Variants in ADRA1B observed in about 807,000 individuals in gnomAD.
The protein encoded by ADRA1B is adrenoceptor alpha 1B, also known as alpha-1B adrenergic receptor.
ADRA1B carries 17 observed loss-of-function variants against 17.9 expected under a neutral mutation model. The observed-to-expected ratio is 0.95, with a 90% confidence interval of 0.65 to 1.42. ADRA1B has a LOEUF of 1.42. Among genes scored for constraint, ADRA1B ranks in the 40% most tolerant of loss-of-function variants. The probability of loss-of-function intolerance (pLI) is 0.00; values close to 1 mark genes in which losing one functional copy is unlikely to be tolerated. For synonymous variants in ADRA1B, 366 were observed against 327.6 expected (o/e 1.12, Z -1.27); for missense variants, 681 against 722.1 (o/e 0.94, Z 0.65).
chr5:159,950,271 T>G (rs1755396297), intron 1 of ADRA1B, among the ~76,000 whole-genome samples: 1 of 149,682 alleles, frequency 6.7e-6, no homozygotes, highest in African/African-American at 2.4e-5. Context: ...GTGACCCTAG[T>G]GGAGAATTTT....
intron 1 of ADRA1B, among the ~76,000 whole-genome samples, chr5:159,899,179 A>AAAAAG (rs200946727): frequency 3.4e-4 from 51 of 150,336 alleles, no homozygotes; most frequent in African/African-American, 1.2e-3. Context: ...AAGAAAAGAA[A>AAAAAG]AAAAGAAAAG....
At chr5:159,981,383 A>G in the ADRA1B span, among the ~76,000 whole-genome samples, 25 of 152,180 alleles carry the variant, frequency 1.6e-4, no homozygotes, top group Non-Finnish European at 2.8e-4. Context: ...ATAGCCCCCA[A>G]TTGAAAACCT....
At chr5:159,949,127 T>A (rs972401876) in intron 1 of ADRA1B, among the ~76,000 whole-genome samples, 2 of 152,196 alleles carry the variant, frequency 1.3e-5, no homozygotes, top group African/African-American at 4.8e-5. Flanking sequence ...CATAAAACTG[T>A]AAGGCTTTTG....
At chr5:159,906,252 A>G (rs1437644222) in intron 1 of ADRA1B, among the ~76,000 whole-genome samples, 4 of 152,236 alleles carry the variant, frequency 2.6e-5, no homozygotes, top group Admixed American at 6.5e-5. Context: ...AATCCTCTCT[A>G]TGAGACATTC....
intron 1 of ADRA1B, among the ~76,000 whole-genome samples, chr5:159,967,095 G>C (rs1302529449): frequency 6.6e-6 from 1 of 152,160 alleles, no homozygotes; most frequent in Non-Finnish European, 1.5e-5. Context: ...GATCCCTTCT[G>C]CTTAAGTGGA....
chr5:159,895,967 ATTCACCTGTGTCCCC>A (rs1235385578), intron 1 of ADRA1B, among the ~76,000 whole-genome samples: 2 of 152,194 alleles, frequency 1.3e-5, no homozygotes, highest in Non-Finnish European at 2.9e-5. Context: ...CTTCTGTCTC[ATTCACCTGTGTCCCC>A]TTCACATAGT....
chr5:159,967,940 C>CA (rs71579109), intron 1 of ADRA1B, among the ~76,000 whole-genome samples: 4,886 of 152,192 alleles, frequency 0.032, 174 homozygotes, highest in East Asian at 0.15. Flanking sequence ...GAAGAACAAC[C>CA]AAAAAACGTA....
At chr5:159,926,748 G>A (rs1273647814) in intron 1 of ADRA1B, among the ~76,000 whole-genome samples, 2 of 152,128 alleles carry the variant, frequency 1.3e-5, no homozygotes, top group East Asian at 1.9e-4. Flanking sequence ...TTAGCCGGGC[G>A]TGGTAGCGGG....
At chr5:159,930,887 G>C (rs1754784753) in intron 1 of ADRA1B, among the ~76,000 whole-genome samples, 1 of 150,414 alleles carries the variant, frequency 6.6e-6, no homozygotes, top group African/African-American at 2.4e-5. Context: ...ATTATGGTGG[G>C]GACTATTAAA....
chr5:159,909,973 C>A (rs746538132), intron 1 of ADRA1B, among the ~76,000 whole-genome samples: 5 of 152,048 alleles, frequency 3.3e-5, no homozygotes, highest in South Asian at 2.1e-4. Flanking sequence ...GGTCTAGAAC[C>A]CAAAAAGTTT....
chr5:159,983,626 G>A, the ADRA1B span, among the ~76,000 whole-genome samples: 1 of 152,180 alleles, frequency 6.6e-6, no homozygotes, highest in Non-Finnish European at 1.5e-5. Flanking sequence ...AGGATTTGAA[G>A]TTTGATTGTG....
chr5:159,944,357 A>G (rs1453950533), intron 1 of ADRA1B, among the ~76,000 whole-genome samples: 1 of 152,174 alleles, frequency 6.6e-6, no homozygotes, highest in Non-Finnish European at 1.5e-5. Flanking sequence ...GCTACTCATT[A>G]TTCTAGATAC....
intron 1 of ADRA1B, among the ~76,000 whole-genome samples, chr5:159,905,681 C>A (rs1281648683): frequency 6.6e-6 from 1 of 152,072 alleles, no homozygotes; most frequent in East Asian, 1.9e-4. Flanking sequence ...TAACCACAAA[C>A]CATAGCAAAT....
At chr5:159,987,260 C>G in the ADRA1B span, among the ~76,000 whole-genome samples, 6 of 152,220 alleles carry the variant, frequency 3.9e-5, no homozygotes, top group African/African-American at 1.4e-4. Context: ...TGTTTTCTGC[C>G]GTTGCCAGGA....
chr5:159,873,361 C>A (rs1386168055), intron 1 of ADRA1B, among the ~76,000 whole-genome samples: 5 of 152,220 alleles, frequency 3.3e-5, no homozygotes, highest in Non-Finnish European at 7.3e-5. Context: ...CCCACTGAGT[C>A]CGCTGCTGCA....
intron 1 of ADRA1B, among the ~76,000 whole-genome samples, chr5:159,962,837 A>ATT (rs756263225): frequency 0.11 from 4,734 of 42,884 alleles, 427 homozygotes; most frequent in African/African-American, 0.22. Context: ...ACACCTGGCT[A>ATT]TTTTTTTTTT....
chr5:159,918,258 G>A (rs1280540180), intron 1 of ADRA1B, among the ~76,000 whole-genome samples: 2 of 152,212 alleles, frequency 1.3e-5, no homozygotes, highest in East Asian at 1.9e-4. Flanking sequence ...TACTGCAGAC[G>A]CGGCATTTGG....
intron 1 of ADRA1B, among the ~76,000 whole-genome samples, chr5:159,876,998 G>C (rs1464592517): frequency 1.3e-5 from 2 of 152,074 alleles, no homozygotes; most frequent in Non-Finnish European, 2.9e-5. Flanking sequence ...TTCCCCTAAG[G>C]GGTGCACAAA....
At chr5:159,879,509 C>G (rs114439299) in intron 1 of ADRA1B, among the ~76,000 whole-genome samples, 1,825 of 152,334 alleles carry the variant, frequency 0.012, 40 homozygotes, top group African/African-American at 0.042. Flanking sequence ...TGCCCTTCAT[C>G]CTGGCTGCCT....
Sources: allele counts gnomAD v4.1 joint callset (sites outside exome capture counted in the v4.1 genomes callset), GRCh38; gene constraint gnomAD v4.1.1; transcripts MANE v1.5; gene names NCBI Gene and HGNC (gene_info 2026-07-23, HGNC 2026-07-21).